The following ROS1 variants were observed in gnomAD, a reference collection of about 807,000 sequenced individuals.
ROS1 encodes ROS proto-oncogene 1, receptor tyrosine kinase.
Under a neutral mutation model 273.5 loss-of-function variants are expected in ROS1, and 263 were observed. The ratio of observed to expected loss-of-function variants is 0.96; its 90% confidence interval spans 0.87 to 1.06. ROS1 has a LOEUF of 1.06. Among genes scored for constraint, ROS1 ranks in the 50% least tolerant of loss-of-function variants. ROS1 has a pLI of 0.00. For synonymous variants in ROS1, 1,008 were observed against 954.1 expected (o/e 1.06, Z -1.04); for missense variants, 2,833 against 2,751.1 (o/e 1.03, Z -0.67).
intron 27 of ROS1, among the ~76,000 whole-genome samples, chr6:117,352,747 C>CA (rs1376543473): frequency 6.6e-6 from 1 of 152,146 alleles, no homozygotes; most frequent in Non-Finnish European, 1.5e-5. Context: ...GAGAGAACAA[C>CA]AGGACGCAGG....
intron 27 of ROS1, among the ~76,000 whole-genome samples, chr6:117,351,886 T>C (rs1320241104): frequency 2.6e-5 from 4 of 152,216 alleles, no homozygotes; most frequent in Non-Finnish European, 5.9e-5. Flanking sequence ...TTTACAAAAA[T>C]ACAAAGTAGG....
chr6:117,358,468 CT>C lies in ROS1; in HGVS notation c.3634-460del, dbSNP rs112615361. 4.9e-4 allele frequency among the ~76,000 whole-genome samples: 73 copies of C among 147,848 alleles called. 1 individual carries two copies. The highest frequency in any genetic ancestry group is 4.3e-4 in the South Asian group (2 of 4,646). ...ATTACTACCCATAGTAAACTAGTCC[CT>C]TTTTTTTTTGGAGATGGAGTCTGGC... On this transcript the variant is annotated intron_variant, in intron 24 of 43. Transcript: ENST00000368507.
chr6:117,351,396 C>T (rs992683041), intron 27 of ROS1, among the ~76,000 whole-genome samples: 1 of 151,886 alleles, frequency 6.6e-6, no homozygotes, highest in Non-Finnish European at 1.5e-5. Context: ...GCTCTGGTGC[C>T]TTTCAAAATT....
chr6:117,316,305 C>G (rs940422916), intron 39 of ROS1, among the ~76,000 whole-genome samples: 1 of 149,658 alleles, frequency 6.7e-6, no homozygotes, highest in African/African-American at 2.4e-5. Context: ...CATGCGGGGC[C>G]TGAGAGGTAG....
intron 31 of ROS1, among the ~76,000 whole-genome samples, chr6:117,339,254 T>C (rs1777727009): frequency 6.6e-6 from 1 of 152,100 alleles, no homozygotes; most frequent in Non-Finnish European, 1.5e-5. Flanking sequence ...TTAGTATATT[T>C]TACATGTGGC....
At chr6:117,377,818 A>G (rs1387187789) in intron 18 of ROS1, among the ~76,000 whole-genome samples, 1 of 152,214 alleles carries the variant, frequency 6.6e-6, no homozygotes, top group African/African-American at 2.4e-5. Context: ...AAGTGCTTAT[A>G]TACAGAACAA....
chr6:117,289,045 T>C (rs1162168647), intron 43 of ROS1, among the ~76,000 whole-genome samples: 1 of 152,164 alleles, frequency 6.6e-6, no homozygotes, highest in East Asian at 1.9e-4. Context: ...ATGTCACCTA[T>C]AGAAGGTGAC....
Position 117,389,845 on chromosome 6 carries a change from A to G in ROS1, c.1291T>C (p.Tyr431His), listed in dbSNP as rs1459389274. Residue 431 changes from tyrosine (Y) to histidine (H), a missense_variant and splice_region_variant, in exon 13 of 44, where the codon TAT (tyrosine) becomes CAT (histidine). By Grantham distance (83) the Tyr-to-His change is moderately conservative. Transcript: ENST00000368507. ...CCATCTCTCAGGAGGTAAAAGACAT[A>G]CCTGACACAGGAACAAAAGAAACCT... Reference protein sequence around the residue: ...QKIVADSYNGYVFYLLRDGIY... With the variant: ...QKIVADSYNGHVFYLLRDGIY... 6.3e-7 allele frequency: 1 copy of G among 1,598,782 alleles called. No homozygotes were observed. Among genetic ancestry groups the G allele is most frequent in the African/African-American group, 1.3e-5 (1 of 74,474 alleles).
intron 6 of ROS1, 86 bp from the exon 7 acceptor site, chr6:117,403,363 T>C (rs914814539): frequency 1.7e-5 from 22 of 1,310,166 alleles, no homozygotes; most frequent in Admixed American, 2.4e-5. Flanking sequence ...TTGTAGAAGA[T>C]GGATGGCTCA....
intron 18 of ROS1, among the ~76,000 whole-genome samples, chr6:117,376,046 G>T (rs1243748261): frequency 6.6e-6 from 1 of 151,660 alleles, no homozygotes; most frequent in Non-Finnish European, 1.5e-5. Context: ...AAAATAATAA[G>T]ATTAGAAGTT....
In ROS1 at chr6:117,418,458, T is replaced by C; in HGVS notation, c.168+4A>G. On this transcript the variant is annotated splice_donor_region_variant and intron_variant, in intron 2 of 43. Transcript: ENST00000368507. ...TATTCTTGACAACTGAAGAAATTAC[T>C]TACCGGTTCACTCAGATTATGTGGT... is the stretch of plus-strand genomic sequence containing the variant. 6.3e-7 allele frequency: 1 copy of C among 1,591,580 alleles called. No individual in the cohort carries two copies. Among genetic ancestry groups the C allele is most frequent in the Non-Finnish European group, 8.6e-7 (1 of 1,169,206 alleles).
chr6:117,409,713 T>C, intron 4 of ROS1, 71 bp from the exon 5 acceptor site: 1 of 1,237,092 alleles, frequency 8.1e-7, no homozygotes, highest in Non-Finnish European at 1.2e-6. Flanking sequence ...TTCAACTAAA[T>C]TTTAAAATCC....
rs150943500 is a variant in ROS1, at chr6:117,337,326, C to T, written c.5076G>A (p.Glu1692=). 392 of 1,596,344 alleles carry T rather than the reference C, an allele frequency of 2.5e-4. No individual in the cohort carries two copies. Among genetic ancestry groups the T allele is most frequent in the Non-Finnish European group, 3.1e-4 (370 of 1,174,656 alleles). The part of the protein sequence containing the change: ...WVELQKWKYN[E]FYHVKTSCSQ... ...TGCATGAAGTTTTAACATGGTAAAA[C>T]TCATTGTATTTCCACTAGAAAAAGA... Residue 1692 remains glutamate, a synonymous_variant, in exon 32 of 44, where the codon GAG becomes GAA. Transcript: ENST00000368507.
chr6:117,315,254 C>G (rs1018007680), intron 39 of ROS1, among the ~76,000 whole-genome samples: 1 of 151,528 alleles, frequency 6.6e-6, no homozygotes, highest in African/African-American at 2.4e-5. Flanking sequence ...GAGAGAGCAG[C>G]TAATAGAATG....
chr6:117,314,334 A>G (rs1775751561), intron 39 of ROS1, among the ~76,000 whole-genome samples: 1 of 152,154 alleles, frequency 6.6e-6, no homozygotes, highest in South Asian at 2.1e-4. Context: ...GTAATTTAGC[A>G]GAGCCAAGAG....
intron 18 of ROS1, among the ~76,000 whole-genome samples, chr6:117,367,394 C>T (rs1401945011): frequency 3.3e-5 from 5 of 152,198 alleles, no homozygotes; most frequent in East Asian, 1.9e-4. Context: ...GACTCCAGTA[C>T]CTAGGCACAC....
At chr6:117,403,035 G>C in intron 7 of ROS1, 104 bp downstream of exon 7, 1 of 1,302,124 alleles carries the variant, frequency 7.7e-7, no homozygotes, top group Non-Finnish European at 1.1e-6. Flanking sequence ...TGAATGGATC[G>C]ATTAATAGGA....
chr6:117,416,800 A>G (rs1775370728), intron 2 of ROS1, among the ~76,000 whole-genome samples: 1 of 152,056 alleles, frequency 6.6e-6, no homozygotes, highest in South Asian at 2.1e-4. Flanking sequence ...CTTTCACCCC[A>G]CAGCTGCCCT....
At chr6:117,295,783 C>T (rs1774193497) in intron 43 of ROS1, among the ~76,000 whole-genome samples, 2 of 152,206 alleles carry the variant, frequency 1.3e-5, no homozygotes, top group African/African-American at 4.8e-5. Context: ...ACCAAAACTA[C>T]ATTGAGATAT....
Sources: gnomAD v4.1 joint callset for allele counts (sites outside exome capture counted in the v4.1 genomes callset) on GRCh38, gnomAD v4.1.1 for gene constraint, MANE v1.5 for transcripts, NCBI Gene and HGNC (gene_info 2026-07-23, HGNC 2026-07-21) for gene names.